Variants in DCBLD1 observed in about 807,000 individuals in gnomAD.
DCBLD1 encodes the protein discoidin, CUB and LCCL domain-containing protein 1.
In DCBLD1, 57 loss-of-function variants were observed where a neutral mutation model predicts 71.5. The observed-to-expected ratio is 0.80, with a 90% CI of 0.64 to 0.99. The LOEUF (loss-of-function observed/expected upper bound fraction) is 0.99, where lower values mean the gene tolerates loss of function less well. DCBLD1 is among the 50% of genes least tolerant of loss of function. The probability of loss-of-function intolerance (pLI) is 0.00; values close to 1 mark genes in which losing one functional copy is unlikely to be tolerated. For missense variants in DCBLD1, 891 were observed against 923.5 expected, an observed-to-expected ratio of 0.96 and a Z score of 0.46; for synonymous variants, 380 against 363.8, an observed-to-expected ratio of 1.04 and a Z score of -0.51.
chr6:117,548,260 A>G lies in DCBLD1; in HGVS notation c.1969A>G (p.Ser657Gly). The change falls in exon 15 of 15, where the codon AGC becomes GGC. Residue 657 changes from serine (S) to glycine (G), a missense_variant. Transcript: ENST00000338728. ...AQDGDYQRPH[S>G]AQPADRGYDR... ...GGACGGAGACTATCAAAGGCCACACAGCGCACAGCCTGCGGACAGGGGCTA... is the reference window on the plus strand; with the variant it reads ...GGACGGAGACTATCAAAGGCCACACGGCGCACAGCCTGCGGACAGGGGCTA... The G allele has an allele frequency of 6.4e-7, 1 of 1,550,620 alleles. No homozygotes were observed. The highest frequency in any genetic ancestry group is 1.2e-5 in the South Asian group (1 of 84,056).
intron 6 of DCBLD1, among the ~76,000 whole-genome samples, chr6:117,533,775 A>G (rs1224200761): frequency 2.0e-5 from 3 of 152,128 alleles, no homozygotes; most frequent in Non-Finnish European, 4.4e-5. Flanking sequence ...CTGAGGAGCA[A>G]TGTTAGAGAG....
At chr6:117,518,107 G>C (rs1423668454) in intron 2 of DCBLD1, among the ~76,000 whole-genome samples, 1 of 152,084 alleles carries the variant, frequency 6.6e-6, no homozygotes, top group Non-Finnish European at 1.5e-5. Context: ...GCCTTTAACA[G>C]TACCCAAGTT....
At chr6:117,516,293 G>T (rs1778194983) in intron 2 of DCBLD1, among the ~76,000 whole-genome samples, 1 of 151,698 alleles carries the variant, frequency 6.6e-6, no homozygotes, top group South Asian at 2.1e-4. Flanking sequence ...CCCAGGAGAT[G>T]GAGCTTGTAG....
At position 117,548,768 on chromosome 6, in the gene DCBLD1, A is replaced by G. The variant is rs952572171; in HGVS notation, c.*329A>G. ...AATGTGTACAGAGTTGTATTTAACA[A>G]TAATAAAAGTAACTTAAGTTTGCTC... is the stretch of plus-strand genomic sequence containing the variant. On this transcript the variant is annotated 3_prime_UTR_variant, in exon 15 of 15. Transcript: ENST00000338728. 4.0e-5 allele frequency: 46 copies of G among 1,156,770 alleles called. No homozygotes were observed. In the African/African-American group the frequency reaches 6.5e-4, roughly 16 times the overall value. The allele number at this position is 1,156,770 out of a possible 1,614,324, so 71.7% of individuals were successfully genotyped here.
chr6:117,543,791 A>G (rs1238504687), intron 12 of DCBLD1, among the ~76,000 whole-genome samples: 1 of 152,190 alleles, frequency 6.6e-6, no homozygotes, highest in Admixed American at 6.5e-5. Flanking sequence ...CCTGAAGAGT[A>G]AAAGGAATAT....
intron 6 of DCBLD1, 92 bp downstream of exon 6, chr6:117,532,485 A>G: frequency 2.8e-6 from 4 of 1,427,124 alleles, no homozygotes; most frequent in Non-Finnish European, 3.7e-6. Context: ...GACAGCAGGG[A>G]TGTGATAGCA....
intron 1 of DCBLD1, among the ~76,000 whole-genome samples, chr6:117,493,961 T>C (rs1318451999): frequency 6.6e-6 from 1 of 152,146 alleles, no homozygotes; most frequent in Non-Finnish European, 1.5e-5. Flanking sequence ...TGTATCTGTA[T>C]ATATATGTGT....
intron 1 of DCBLD1, among the ~76,000 whole-genome samples, chr6:117,492,810 G>T (rs1203924164): frequency 6.6e-6 from 1 of 152,200 alleles, no homozygotes; most frequent in South Asian, 2.1e-4. Flanking sequence ...TCCCCAGTGA[G>T]ATTTGCTATT....
intron 14 of DCBLD1, among the ~76,000 whole-genome samples, chr6:117,546,063 T>C (rs898716745): frequency 6.6e-6 from 1 of 152,240 alleles, no homozygotes; most frequent in Non-Finnish European, 1.5e-5. Flanking sequence ...AAATGCTTTT[T>C]GTTTCTTTTT....
Position 117,532,400 on chromosome 6 carries a change from AT to A in DCBLD1, c.719+15del, listed in dbSNP as rs762578801. 2.8e-5 allele frequency: 45 copies of A among 1,597,674 alleles called. No homozygotes were observed. Among genetic ancestry groups the A allele is most frequent in the African/African-American group, 9.5e-5 (7 of 73,952 alleles). On this transcript the variant is annotated splice_region_variant and intron_variant, in intron 6 of 14. Coordinates refer to ENST00000338728, the MANE Select transcript of DCBLD1 (RefSeq NM_001366458.2). ...ATGGTGTTCTTTCGAGGGAGTAAGT[AT>A]TTTTTTTCAGTATCGTTTGTTCTGA... is the stretch of plus-strand genomic sequence containing the variant.
chr6:117,512,686 T>A (rs2114461369), intron 2 of DCBLD1, among the ~76,000 whole-genome samples: 1 of 152,150 alleles, frequency 6.6e-6, no homozygotes, highest in East Asian at 1.9e-4. Flanking sequence ...CCAGGGAGGG[T>A]CACTTAGGTC....
Position 117,540,908 on chromosome 6 carries a change from C to T in DCBLD1, c.1250-10C>T, listed in dbSNP as rs765216839. On this transcript the variant is annotated splice_polypyrimidine_tract_variant and intron_variant, in intron 10 of 14. Transcript: ENST00000338728. ...CTCATGTGGTTTTCCCGACATCCCTCCTCTCTCAGGTAATGATTCATTGGT... is the reference window on the plus strand; with the variant it reads ...CTCATGTGGTTTTCCCGACATCCCTTCTCTCTCAGGTAATGATTCATTGGT... The T allele has an allele frequency of 1.9e-6, 3 of 1,614,008 alleles. No homozygotes were observed. Among genetic ancestry groups the T allele is most frequent in the African/African-American group, 2.7e-5 (2 of 74,898 alleles).
At chr6:117,534,738 A>G (rs1778830303) in intron 6 of DCBLD1, among the ~76,000 whole-genome samples, 1 of 150,496 alleles carries the variant, frequency 6.6e-6, no homozygotes, top group Non-Finnish European at 1.5e-5. Context: ...TAATACATAC[A>G]TATATAATAT....
downstream of DCBLD1, among the ~76,000 whole-genome samples, chr6:117,553,023 A>G (rs1212882142): frequency 6.6e-6 from 1 of 152,186 alleles, no homozygotes; most frequent in Non-Finnish European, 1.5e-5. Flanking sequence ...CCCCAACAAC[A>G]TAATTCCCCT....
rs1039868875 is a variant in DCBLD1, at chr6:117,482,817, G to T, written c.36G>T (p.Ala12=). The change falls in exon 1 of 15, where the codon GCG becomes GCT. Residue 12 remains alanine, a synonymous_variant. Coordinates refer to ENST00000338728, the MANE Select transcript of DCBLD1 (RefSeq NM_001366458.2). The stretch of plus-strand genomic sequence containing the variant: ...GCGCCCGCGGCGGCGGCGCACTGGC[G>T]CGGGCTGCCGGGCGGGGCCTCCTGG... ...VPGARGGGAL[A]RAAGRGLLAL... 2.6e-6 allele frequency: 3 copies of T among 1,163,462 alleles called. No individual in the cohort carries two copies. The highest frequency in any genetic ancestry group is 3.2e-6 in the Non-Finnish European group (3 of 945,248). 72.1% of individuals were successfully genotyped at this position (1,163,462 alleles called of 1,614,324 possible).
intron 2 of DCBLD1, among the ~76,000 whole-genome samples, chr6:117,519,310 A>G (rs956043843): frequency 6.6e-6 from 1 of 152,208 alleles, no homozygotes; most frequent in Non-Finnish European, 1.5e-5. Context: ...ATCAAAATGA[A>G]TTTTGGGGAT....
intron 14 of DCBLD1, among the ~76,000 whole-genome samples, chr6:117,564,791 C>A (rs183150902): frequency 1.1e-4 from 17 of 152,276 alleles, no homozygotes; most frequent in African/African-American, 3.8e-4. Flanking sequence ...ATATGGAGAG[C>A]AGCCCAACAA....
intron 1 of DCBLD1, among the ~76,000 whole-genome samples, chr6:117,484,612 G>A (rs1351311434): frequency 6.6e-6 from 1 of 152,144 alleles, no homozygotes; most frequent in Non-Finnish European, 1.5e-5. Context: ...GCCTCCCAAG[G>A]TGCTGGGACT....
intron 14 of DCBLD1, among the ~76,000 whole-genome samples, chr6:117,567,246 A>G (rs1318810688): frequency 2.0e-5 from 3 of 152,172 alleles, no homozygotes; most frequent in African/African-American, 7.2e-5. Flanking sequence ...TCCTTTAAAC[A>G]TTATAGTAGC....
Sources: allele counts gnomAD v4.1 joint callset (sites outside exome capture counted in the v4.1 genomes callset), GRCh38; gene constraint gnomAD v4.1.1; transcripts MANE v1.5; gene names NCBI Gene and HGNC (gene_info 2026-07-23, HGNC 2026-07-21).